SYBU: variants seen among roughly 807,000 people sequenced by gnomAD.
SYBU encodes the protein GOLSYN A protein.
Under a neutral mutation model 35.9 loss-of-function variants are expected in SYBU, and 21 were observed. The ratio of observed to expected loss-of-function variants is 0.58; its 90% CI spans 0.41 to 0.84. SYBU has a LOEUF of 0.84. SYBU is among the 40% of genes least tolerant of loss of function. The pLI, the probability that SYBU is intolerant of heterozygous loss-of-function variation, is 0.00. For synonymous variants in SYBU, 319 were observed against 324.3 expected (o/e 0.98, Z 0.18); for missense variants, 768 against 848.2 (o/e 0.91, Z 1.17).
At chr8:109,633,992 C>T (rs1341721123) in intron 2 of SYBU, among the ~76,000 whole-genome samples, 1 of 152,100 alleles carries the variant, frequency 6.6e-6, no homozygotes, top group African/African-American at 2.4e-5. Flanking sequence ...CCTCGGCTTC[C>T]CAAAGTGCTG....
chr8:109,677,034 ATGTGTGTG>A (rs10638682), intron 1 of SYBU, among the ~76,000 whole-genome samples: 7 of 146,086 alleles, frequency 4.8e-5, no homozygotes, highest in Admixed American at 2.0e-4. Flanking sequence ...CAGGGTGTTC[ATGTGTGTG>A]TGTGTGTGTG....
chr8:109,654,957 C>G (rs28637942), intron 1 of SYBU, among the ~76,000 whole-genome samples: 1 of 152,132 alleles, frequency 6.6e-6, no homozygotes, highest in Non-Finnish European at 1.5e-5. Context: ...ACACTTGTCC[C>G]GTTCAGTTCA....
At chr8:109,666,313 T>C (rs968711032) in intron 1 of SYBU, among the ~76,000 whole-genome samples, 3 of 152,190 alleles carry the variant, frequency 2.0e-5, no homozygotes, top group Admixed American at 6.5e-5. Flanking sequence ...GGGCTGTCCT[T>C]TGCATTGTAG....
Position 109,626,885 on chromosome 8 carries a change from C to T in SYBU, c.230-7846G>A, listed in dbSNP as rs1055553226. Among the ~76,000 whole-genome samples, 51 of 152,102 alleles carry T rather than the reference C, an allele frequency of 3.4e-4. 1 individual carries two copies. Among genetic ancestry groups the T allele is most frequent in the East Asian group, 1.9e-4 (1 of 5,194 alleles). ...TGTCTCAAAAATAATCTTCTTACAC[C>T]GATTACAGGTAAGAATAAAACACCA... is the stretch of plus-strand genomic sequence containing the variant. On this transcript the variant is annotated intron_variant, in intron 2 of 6. Coordinates refer to ENST00000276646, the MANE Select transcript of SYBU (RefSeq NM_001099754.2).
At chr8:109,589,757 C>T (rs1384594435) in intron 3 of SYBU, among the ~76,000 whole-genome samples, 4 of 152,178 alleles carry the variant, frequency 2.6e-5, no homozygotes, top group South Asian at 4.1e-4. Context: ...ACTAACTAGA[C>T]TTATTTTTAA....
chr8:109,644,499 C>T, intron 1 of SYBU, 137 bp downstream of exon 1: 7 of 1,040,934 alleles, frequency 6.7e-6, no homozygotes, highest in South Asian at 1.5e-5. Flanking sequence ...CCTGCCTTCT[C>T]CAGACCCCAC....
chr8:109,603,442 T>G (rs1328504811), intron 3 of SYBU: 1 of 983,702 alleles, frequency 1.0e-6, no homozygotes, highest in Non-Finnish European at 1.2e-6. Context: ...TCACTCTCAG[T>G]GACATCTGGC....
upstream of SYBU, chr8:109,647,757 A>T (rs1815856610): frequency 6.6e-6 from 1 of 152,264 alleles, no homozygotes; most frequent in African/African-American, 2.4e-5. Flanking sequence ...TGCCTAAAAA[A>T]TCCAACATGT....
chr8:109,638,262 T>C (rs892633257), intron 2 of SYBU, among the ~76,000 whole-genome samples: 32 of 152,312 alleles, frequency 2.1e-4, no homozygotes, highest in Admixed American at 2.0e-3. Flanking sequence ...CTGCTAACCA[T>C]GTCAGGTGAC....
upstream of SYBU, among the ~76,000 whole-genome samples, chr8:109,682,099 A>G (rs958364199): frequency 1.3e-5 from 2 of 152,222 alleles, no homozygotes; most frequent in Non-Finnish European, 2.9e-5. Flanking sequence ...ATATGTCTTT[A>G]TTAGCAGCAC....
intron 4 of SYBU, chr8:109,580,844 C>T (rs1345957918): frequency 6.6e-6 from 1 of 152,548 alleles, no homozygotes; most frequent in Non-Finnish European, 1.5e-5. Flanking sequence ...ACTCCTCCCT[C>T]CTCCCTCTGT....
chr8:109,612,049 T>G (rs1355151894), intron 3 of SYBU, among the ~76,000 whole-genome samples: 4 of 152,206 alleles, frequency 2.6e-5, no homozygotes, highest in Non-Finnish European at 5.9e-5. Flanking sequence ...GAAGGTGGAC[T>G]TTACTACTAT....
intron 3 of SYBU, among the ~76,000 whole-genome samples, chr8:109,618,417 T>C (rs1812056351): frequency 6.6e-6 from 1 of 152,222 alleles, no homozygotes; most frequent in South Asian, 2.1e-4. Flanking sequence ...CAGCTCTACA[T>C]ATTTGCATCA....
chr8:109,603,869 G>A (rs1825802319), intron 3 of SYBU, among the ~76,000 whole-genome samples: 1 of 152,182 alleles, frequency 6.6e-6, no homozygotes, highest in Non-Finnish European at 1.5e-5. Context: ...GGATCTGGGA[G>A]GAGTGTGCAG....
intron 1 of SYBU, among the ~76,000 whole-genome samples, chr8:109,669,708 G>A (rs928120395): frequency 3.3e-5 from 5 of 152,226 alleles, no homozygotes; most frequent in African/African-American, 1.2e-4. Context: ...TCATAATAGA[G>A]AAGAATGTGT....
At chr8:109,648,837 T>C (rs1204088073), upstream of SYBU, 1 of 151,752 alleles carries the variant, frequency 6.6e-6, no homozygotes, top group Non-Finnish European at 1.5e-5. Flanking sequence ...CTGACGTGCT[T>C]CACAACACGT....
intron 3 of SYBU, among the ~76,000 whole-genome samples, chr8:109,611,790 A>C (rs538664773): frequency 1.5e-4 from 23 of 152,230 alleles, no homozygotes; most frequent in Admixed American, 1.5e-3. Flanking sequence ...TTTATGGTTT[A>C]TTTTTACTGA....
intron 1 of SYBU, among the ~76,000 whole-genome samples, chr8:109,671,171 T>C (rs1361726379): frequency 6.6e-6 from 1 of 151,946 alleles, no homozygotes; most frequent in African/African-American, 2.4e-5. Context: ...CAAATTTCCA[T>C]GCAAAAAAAA....
chr8:109,689,296 T>C (rs1817591047), intron 1 of SYBU, among the ~76,000 whole-genome samples: 1 of 152,144 alleles, frequency 6.6e-6, no homozygotes, highest in Non-Finnish European at 1.5e-5. Flanking sequence ...AATGCCTGTT[T>C]ACAGCTCTAT....
Sources: allele counts gnomAD v4.1 joint callset (sites outside exome capture counted in the v4.1 genomes callset), GRCh38; gene constraint gnomAD v4.1.1; transcripts MANE v1.5; gene names NCBI Gene and HGNC (gene_info 2026-07-23, HGNC 2026-07-21).